SPAG16: variants seen among roughly 807,000 people sequenced by gnomAD.
The protein encoded by SPAG16 is sperm associated antigen 16.
In SPAG16, 86 loss-of-function variants were observed where a neutral mutation model predicts 80.4. The ratio of observed to expected loss-of-function variants is 1.07; its 90% CI spans 0.90 to 1.28. The LOEUF is 1.28. Ranked by LOEUF, SPAG16 falls within the 50% of genes most tolerant of loss-of-function variation. The probability of loss-of-function intolerance (pLI) is 0.00; values close to 1 mark genes in which losing one functional copy is unlikely to be tolerated. For synonymous variants in SPAG16, 294 were observed against 265.9 expected (o/e 1.11, Z -1.03); for missense variants, 870 against 765.3 (o/e 1.14, Z -1.61).
intron 10 of SPAG16, among the ~76,000 whole-genome samples, chr2:213,553,800 A>C (rs1022764884): frequency 6.6e-6 from 1 of 152,066 alleles, no homozygotes; most frequent in African/African-American, 2.4e-5. Flanking sequence ...CTCTAGACAC[A>C]AGCTCAGCTA....
At chr2:214,096,204 A>G (rs562807822) in intron 13 of SPAG16, among the ~76,000 whole-genome samples, 84 of 151,840 alleles carry the variant, frequency 5.5e-4, no homozygotes, top group African/African-American at 1.7e-3. Flanking sequence ...CCATTATACT[A>G]TATTTCCTTT....
At chr2:213,948,063 T>C (rs75065949) in intron 12 of SPAG16, among the ~76,000 whole-genome samples, 29,237 of 152,036 alleles carry the variant, frequency 0.19, 3,187 homozygotes, top group South Asian at 0.31. Flanking sequence ...CAGTAGTATC[T>C]AATTTATTCC....
At chr2:213,855,662 T>G (rs1209739248) in intron 10 of SPAG16, among the ~76,000 whole-genome samples, 2 of 152,158 alleles carry the variant, frequency 1.3e-5, no homozygotes, top group Non-Finnish European at 1.5e-5. Flanking sequence ...AAATTCACAA[T>G]CATGGCAGAA....
intron 15 of SPAG16, among the ~76,000 whole-genome samples, chr2:214,174,317 A>C (rs922006978): frequency 6.6e-6 from 1 of 151,994 alleles, no homozygotes; most frequent in Non-Finnish European, 1.5e-5. Flanking sequence ...ACATGATTGT[A>C]TATCTAGAAA....
intron 10 of SPAG16, among the ~76,000 whole-genome samples, chr2:213,635,857 G>A (rs2062341810): frequency 6.6e-6 from 1 of 152,046 alleles, no homozygotes; most frequent in Non-Finnish European, 1.5e-5. Context: ...TTATTCCTTT[G>A]TCAGATGTAT....
At chr2:213,381,138 C>T (rs887038285) in intron 9 of SPAG16, among the ~76,000 whole-genome samples, 1 of 151,866 alleles carries the variant, frequency 6.6e-6, no homozygotes, top group South Asian at 2.1e-4. Context: ...ATGATAAGCC[C>T]CTAATTTAGC....
intron 15 of SPAG16, among the ~76,000 whole-genome samples, chr2:214,314,678 G>A (rs1695556625): frequency 6.6e-6 from 1 of 152,166 alleles, no homozygotes; most frequent in Non-Finnish European, 1.5e-5. Flanking sequence ...AAAGGCATGG[G>A]CAGGAGACCC....
intron 9 of SPAG16, among the ~76,000 whole-genome samples, chr2:213,478,365 T>G (rs2073545609): frequency 6.6e-6 from 1 of 152,200 alleles, no homozygotes; most frequent in African/African-American, 2.4e-5. Flanking sequence ...TGTTTAGATA[T>G]CTTAAGTCTA....
chr2:213,780,191 C>T (rs2069855519), intron 10 of SPAG16, among the ~76,000 whole-genome samples: 1 of 152,176 alleles, frequency 6.6e-6, no homozygotes, highest in African/African-American at 2.4e-5. Flanking sequence ...ACTCCACCCT[C>T]CCAACCTTTT....
chr2:213,903,736 T>C (rs1021339584), intron 11 of SPAG16, among the ~76,000 whole-genome samples: 2 of 152,200 alleles, frequency 1.3e-5, no homozygotes, highest in African/African-American at 4.8e-5. Context: ...ATTTTTCTTT[T>C]CTATCACATT....
Position 213,430,442 on chromosome 2 carries a change from T to C in SPAG16, c.942+55323T>C, listed in dbSNP as rs143340608. Among the ~76,000 whole-genome samples the C allele has an allele frequency of 7.1e-3, 1,086 of 152,294 alleles. 14 individuals are homozygous for C. Among genetic ancestry groups the C allele is most frequent in the African/African-American group, 0.025 (1,035 of 41,558 alleles). ...TGGCCCAACACAAATTCGTAAACTT[T>C]CTGAAAACATTATGAGATTTTTTTT... On this transcript the variant is annotated intron_variant, in intron 9 of 15. Coordinates refer to ENST00000331683, the MANE Select transcript of SPAG16 (RefSeq NM_024532.5).
intron 13 of SPAG16, among the ~76,000 whole-genome samples, chr2:214,097,691 G>C (rs1021130111): frequency 3.9e-5 from 6 of 151,906 alleles, no homozygotes; most frequent in Non-Finnish European, 8.8e-5. Flanking sequence ...GTGTGCATTA[G>C]TTTAAAAATA....
chr2:213,911,520 A>G (rs2077665443), intron 11 of SPAG16, among the ~76,000 whole-genome samples: 1 of 152,232 alleles, frequency 6.6e-6, no homozygotes, highest in South Asian at 2.1e-4. Context: ...AAGAGCATGT[A>G]ATACGTGTAA....
At chr2:214,056,293 AC>A in intron 13 of SPAG16, among the ~76,000 whole-genome samples, 1 of 151,442 alleles carries the variant, frequency 6.6e-6, no homozygotes, top group East Asian at 1.9e-4. Flanking sequence ...ACACACACAC[AC>A]ACACACACAC....
At chr2:213,999,981 A>G (rs1390024235) in intron 12 of SPAG16, among the ~76,000 whole-genome samples, 1 of 152,182 alleles carries the variant, frequency 6.6e-6, no homozygotes, top group Non-Finnish European at 1.5e-5. Context: ...ACAGGCTCAT[A>G]GGTGGAAGGG....
chr2:213,877,575 A>C (rs2076188600), intron 11 of SPAG16, among the ~76,000 whole-genome samples: 1 of 152,184 alleles, frequency 6.6e-6, no homozygotes, highest in Admixed American at 6.5e-5. Context: ...TTAGCCTCCC[A>C]AAATTCTGGG....
intron 15 of SPAG16, among the ~76,000 whole-genome samples, chr2:214,305,078 G>A (rs1417866619): frequency 1.3e-5 from 2 of 152,096 alleles, no homozygotes; most frequent in Non-Finnish European, 2.9e-5. Flanking sequence ...TCTGACTGGT[G>A]TGAGATGGTA....
At chr2:214,094,471 C>CT (rs2125329911) in intron 13 of SPAG16, among the ~76,000 whole-genome samples, 1 of 152,166 alleles carries the variant, frequency 6.6e-6, no homozygotes, top group Admixed American at 6.6e-5. Flanking sequence ...CTCAGAAATC[C>CT]TTTTTCTGTA....
intron 10 of SPAG16, among the ~76,000 whole-genome samples, chr2:213,660,830 C>T (rs955931209): frequency 6.6e-6 from 1 of 152,260 alleles, no homozygotes; most frequent in Non-Finnish European, 1.5e-5. Context: ...TAAACCATTA[C>T]AGCTGTCGAT....
Sources: gnomAD v4.1 joint callset for allele counts (sites outside exome capture counted in the v4.1 genomes callset) on GRCh38, gnomAD v4.1.1 for gene constraint, MANE v1.5 for transcripts, NCBI Gene and HGNC (gene_info 2026-07-23, HGNC 2026-07-21) for gene names.